The following MAPK4 variants were observed in gnomAD, a reference collection of about 807,000 sequenced individuals.
MAPK4 encodes the protein Erk3-related.
A neutral mutation model predicts 47.7 loss-of-function variants in MAPK4; 22 were observed. That is an observed-to-expected ratio of 0.46 (90% CI 0.33 to 0.66). The LOEUF (loss-of-function observed/expected upper bound fraction) is 0.66, where lower values mean the gene tolerates loss of function less well. Ranked by LOEUF, MAPK4 falls within the 30% of genes least tolerant of loss-of-function variation. The pLI, the probability that MAPK4 is intolerant of heterozygous loss-of-function variation, is 0.02. For synonymous variants in MAPK4, 390 were observed against 365.7 expected (o/e 1.07, Z -0.76); for missense variants, 736 against 831.7 (o/e 0.88, Z 1.42).
chr18:50,586,580 A>G (rs75192477), intron 1 of MAPK4, among the ~76,000 whole-genome samples: 3,114 of 152,056 alleles, frequency 0.02, 103 homozygotes, highest in African/African-American at 0.07. Flanking sequence ...TCATCTGCAA[A>G]TGTGGAGTAA....
rs944199022 is a variant in MAPK4 at position 50,586,320 on chromosome 18, G to A, written c.-871+26077G>A. Among the ~76,000 whole-genome samples the A allele has an allele frequency of 1.2e-4, 18 of 152,138 alleles. No individual in the cohort carries two copies. In the South Asian group the frequency reaches 1.7e-3, roughly 14 times the overall value. ...ACCAGTATCACTGATTTTGAACAAA[G>A]TATTCTGAAAGAGACATCCTATAAA... On this transcript the variant is annotated intron_variant, in intron 1 of 5. Coordinates refer to ENST00000400384, the MANE Select transcript of MAPK4 (RefSeq NM_002747.4).
rs1365183664 is a variant in MAPK4, at chr18:50,582,296, C to CG, written c.-871+22056dup. ...GTGGTACAGCGAGGATGCTCAGGTGCGGGTGCCCTTACTGAGAAAGCTAAA... is the reference window on the plus strand; with the variant it reads ...GTGGTACAGCGAGGATGCTCAGGTGCGGGGTGCCCTTACTGAGAAAGCTAAA... On this transcript the variant is annotated intron_variant, in intron 1 of 5. Transcript: ENST00000400384. Among the ~76,000 whole-genome samples the CG allele has an allele frequency of 2.6e-5, 4 of 152,230 alleles. No individual in the cohort carries two copies. In the East Asian group the frequency reaches 7.7e-4, roughly 29 times the overall value.
At chr18:50,599,932 G>A (rs1308685705) in intron 1 of MAPK4, among the ~76,000 whole-genome samples, 6 of 152,042 alleles carry the variant, frequency 3.9e-5, no homozygotes, top group African/African-American at 1.2e-4. Context: ...ACCTCTAAAT[G>A]GAACATCTTA....
At chr18:50,694,665 T>G (rs868301503) in intron 2 of MAPK4, among the ~76,000 whole-genome samples, 42 of 152,324 alleles carry the variant, frequency 2.8e-4, no homozygotes, top group African/African-American at 9.1e-4. Context: ...GGAAGTTGTT[T>G]GAGTAGAGAG....
intron 1 of MAPK4, among the ~76,000 whole-genome samples, chr18:50,607,467 C>A (rs1397723902): frequency 1.3e-5 from 2 of 152,134 alleles, no homozygotes; most frequent in Non-Finnish European, 2.9e-5. Flanking sequence ...CTACTTTGAT[C>A]ACTGTTCTTG....
At chr18:50,603,529 C>G (rs751728295) in intron 1 of MAPK4, among the ~76,000 whole-genome samples, 4 of 151,902 alleles carry the variant, frequency 2.6e-5, no homozygotes, top group Non-Finnish European at 4.4e-5. Flanking sequence ...AAATGTGACT[C>G]TGTCATTCCT....
intron 1 of MAPK4, among the ~76,000 whole-genome samples, chr18:50,626,463 T>C (rs2042779194): frequency 6.6e-6 from 1 of 151,796 alleles, no homozygotes; most frequent in Non-Finnish European, 1.5e-5. Context: ...GGACGGGGAG[T>C]CTGTCCCATA....
chr18:50,583,692 T>A, intron 1 of MAPK4, among the ~76,000 whole-genome samples: 1 of 152,216 alleles, frequency 6.6e-6, no homozygotes, highest in East Asian at 1.9e-4. Context: ...AACTGGCAGC[T>A]CAGTTTTCAG....
chr18:50,640,891 T>C (rs980250465), intron 1 of MAPK4, among the ~76,000 whole-genome samples: 2 of 152,202 alleles, frequency 1.3e-5, no homozygotes, highest in Non-Finnish European at 2.9e-5. Context: ...ACTTAGAGAC[T>C]GGAGCGGGCT....
chr18:50,602,779 T>C (rs1208692877), intron 1 of MAPK4, among the ~76,000 whole-genome samples: 1 of 152,150 alleles, frequency 6.6e-6, no homozygotes, highest in Admixed American at 6.5e-5. Context: ...ATGAAGGAGA[T>C]ACAAGAATCA....
At chr18:50,559,730 GC>G (rs1253684241), upstream of MAPK4, among the ~76,000 whole-genome samples, 1 of 151,806 alleles carries the variant, frequency 6.6e-6, no homozygotes, top group African/African-American at 2.4e-5. Flanking sequence ...CCCGGACGGA[GC>G]CCGAGGATCC....
At position 50,728,828 on chromosome 18, in the gene MAPK4, T is replaced by A. The variant is rs555245609; in HGVS notation, c.1068-330T>A. Among the ~76,000 whole-genome samples, 5 of 152,348 alleles carry A rather than the reference T, an allele frequency of 3.3e-5. No individual in the cohort carries two copies. In the South Asian group the frequency reaches 1.0e-3, roughly 32 times the overall value. On this transcript the variant is annotated intron_variant, in intron 5 of 5. Transcript: ENST00000400384. ...AGAAGCATTGCACAGGTGGATCCCC[T>A]AGAAAGTTTCACGAGGACAGGGACG... is the stretch of plus-strand genomic sequence containing the variant.
At chr18:50,644,511 G>A (rs964644131) in intron 1 of MAPK4, among the ~76,000 whole-genome samples, 1 of 152,112 alleles carries the variant, frequency 6.6e-6, no homozygotes, top group African/African-American at 2.4e-5. Flanking sequence ...TTTACCCACT[G>A]CTCCAAAGGG....
intron 1 of MAPK4, among the ~76,000 whole-genome samples, chr18:50,565,828 C>A (rs2042194035): frequency 6.6e-6 from 1 of 152,120 alleles, no homozygotes; most frequent in South Asian, 2.1e-4. Context: ...GTAGGCTATT[C>A]CATCTAGGTT....
chr18:50,628,388 C>T (rs1337768485), intron 1 of MAPK4, among the ~76,000 whole-genome samples: 1 of 152,122 alleles, frequency 6.6e-6, no homozygotes, highest in Non-Finnish European at 1.5e-5. Flanking sequence ...TCCCTGGGGC[C>T]TGGGTTCCCT....
At chr18:50,683,272 A>T (rs1345263383) in intron 2 of MAPK4, among the ~76,000 whole-genome samples, 1 of 152,114 alleles carries the variant, frequency 6.6e-6, no homozygotes, top group Non-Finnish European at 1.5e-5. Flanking sequence ...GGCAAGCACC[A>T]CCATGCCCAG....
intron 1 of MAPK4, among the ~76,000 whole-genome samples, chr18:50,645,464 A>G (rs1488530853): frequency 1.3e-5 from 2 of 152,242 alleles, no homozygotes; most frequent in Non-Finnish European, 2.9e-5. Context: ...ATGAGAATCA[A>G]TGCATGAATG....
At chr18:50,653,198 A>T (rs1446846641) in intron 1 of MAPK4, among the ~76,000 whole-genome samples, 1 of 147,606 alleles carries the variant, frequency 6.8e-6, no homozygotes, top group African/African-American at 2.5e-5. Context: ...TCAAAAAATA[A>T]AAAAAAAAAA....
At position 50,729,860 on chromosome 18, in the gene MAPK4, G is replaced by A. The variant is rs759369279; in HGVS notation, c.*6G>A. 54 of 1,602,560 alleles carry A rather than the reference G, an allele frequency of 3.4e-5. No homozygotes were observed. The highest frequency in any genetic ancestry group is 4.4e-5 in the Non-Finnish European group (52 of 1,174,080). The stretch of plus-strand genomic sequence containing the variant: ...TCTCCAAAGAAAGGTGGTGAGGGCG[G>A]AGGGGCCGCTCCAGGCCCCACAGAG... On this transcript the variant is annotated 3_prime_UTR_variant, in exon 6 of 6. Transcript: ENST00000400384.
Sources: allele counts gnomAD v4.1 joint callset (sites outside exome capture counted in the v4.1 genomes callset), GRCh38; gene constraint gnomAD v4.1.1; transcripts MANE v1.5; gene names NCBI Gene and HGNC (gene_info 2026-07-23, HGNC 2026-07-21).